The following KLHL2 variants were observed in gnomAD, a reference collection of about 807,000 sequenced individuals.
The protein encoded by KLHL2 is kelch-like protein 2.
In KLHL2, 15 loss-of-function variants were observed where a neutral mutation model predicts 75.8. The observed-to-expected ratio is 0.20, with a 90% CI of 0.13 to 0.30. The LOEUF (loss-of-function observed/expected upper bound fraction) is 0.30, where lower values mean the gene tolerates loss of function less well. Ranked by LOEUF, KLHL2 falls within the 10% of genes least tolerant of loss-of-function variation. The probability of loss-of-function intolerance (pLI) is 1.00; values close to 1 mark genes in which losing one functional copy is unlikely to be tolerated. For synonymous variants in KLHL2, 214 were observed against 251.9 expected, an observed-to-expected ratio of 0.85 and a Z score of 1.42; for missense variants, 381 against 741.0, an observed-to-expected ratio of 0.51 and a Z score of 5.64.
At chr4:165,223,730 G>A (rs1738195312) in intron 2 of KLHL2, among the ~76,000 whole-genome samples, 1 of 152,126 alleles carries the variant, frequency 6.6e-6, no homozygotes, top group African/African-American at 2.4e-5. Context: ...TAGGTCAGCA[G>A]TGCATCTCTG....
At chr4:165,278,387 C>T in intron 5 of KLHL2, 3 of 1,349,508 alleles carry the variant, frequency 2.2e-6, no homozygotes, top group Non-Finnish European at 3.2e-6. Context: ...CTGCAAATGA[C>T]TGAGTGGAAT....
At chr4:165,295,445 T>G (rs1291220963) in intron 6 of KLHL2, among the ~76,000 whole-genome samples, 1 of 152,222 alleles carries the variant, frequency 6.6e-6, no homozygotes, top group Non-Finnish European at 1.5e-5. Context: ...TAGACATGTA[T>G]TGAGTGCCTT....
rs994551630 is a variant in KLHL2, at chr4:165,207,923, G to T, written c.26+21G>T. 3.1e-5 allele frequency: 43 copies of T among 1,399,924 alleles called. No homozygotes were observed. Among genetic ancestry groups the T allele is most frequent in the Non-Finnish European group, 3.9e-5 (42 of 1,068,894 alleles). The allele number at this position is 1,399,924 out of a possible 1,614,324, so 86.7% of individuals were successfully genotyped here. A position where few individuals can be genotyped will look rare whatever the true frequency, so the allele number is the denominator to read the frequency against. On this transcript the variant is annotated intron_variant, in intron 1 of 14. Transcript: ENST00000226725. The surrounding 1 kb of genome is among the most constrained non-coding windows in gnomAD (Gnocchi z 4.2). ...CCCGCGTGAGTGAGCGGGCGGGCGG[G>T]CTGCGCCGCTGCGGATAAGCGCGCC... is the stretch of plus-strand genomic sequence containing the variant.
At chr4:165,301,479 C>G (rs1745345300) in intron 8 of KLHL2, among the ~76,000 whole-genome samples, 1 of 152,102 alleles carries the variant, frequency 6.6e-6, no homozygotes, top group African/African-American at 2.4e-5. Context: ...TAGCTAGTTC[C>G]CTTAATACCT....
rs1390299004 is a variant in KLHL2 at position 165,294,424 on chromosome 4, A to C, written c.610A>C (p.Ser204Arg). The C allele has an allele frequency of 1.9e-6, 3 of 1,611,048 alleles. No homozygotes were observed. Among genetic ancestry groups the C allele is most frequent in the Non-Finnish European group, 2.5e-6 (3 of 1,177,444 alleles). ...CAATCTTGGCATCGAACAAGTGTGC[A>C]GCTTAATCTCAAGTGACAAACTTAC... ...FLNLGIEQVCSLISSDKLTIS... is the reference protein window; with the variant it reads ...FLNLGIEQVCRLISSDKLTIS... The change falls in exon 6 of 15, where the codon AGC (serine) becomes CGC (arginine). Residue 204 changes from serine (S) to arginine (R), a missense_variant. Coordinates refer to ENST00000226725, the MANE Select transcript of KLHL2 (RefSeq NM_007246.4).
At chr4:165,230,340 G>C (rs2111045411) in intron 3 of KLHL2, among the ~76,000 whole-genome samples, 1 of 152,260 alleles carries the variant, frequency 6.6e-6, no homozygotes. Flanking sequence ...CTTAATCTGT[G>C]CTTCAGTTTC....
intron 4 of KLHL2, among the ~76,000 whole-genome samples, chr4:165,260,927 C>T (rs187844659): frequency 4.1e-4 from 63 of 152,254 alleles, no homozygotes; most frequent in East Asian, 2.7e-3. Flanking sequence ...AATATGTGCT[C>T]CCACCAACAA....
intron 4 of KLHL2, among the ~76,000 whole-genome samples, chr4:165,253,342 A>G (rs1362707744): frequency 1.3e-5 from 2 of 152,172 alleles, no homozygotes; most frequent in East Asian, 3.8e-4. Flanking sequence ...CCCCTCCTGT[A>G]TACTTTAAAT....
At chr4:165,267,442 G>C (rs1272935394) in intron 5 of KLHL2, among the ~76,000 whole-genome samples, 4 of 152,096 alleles carry the variant, frequency 2.6e-5, no homozygotes, top group Admixed American at 6.6e-5. Context: ...GATATTGGCT[G>C]TGGGTTTGTC....
At chr4:165,284,825 A>C (rs1436774557) in intron 5 of KLHL2, among the ~76,000 whole-genome samples, 1 of 152,214 alleles carries the variant, frequency 6.6e-6, no homozygotes, top group East Asian at 1.9e-4. Context: ...ACAGTTCCAC[A>C]TGGCTGGGGA....
chr4:165,310,361 C>T (rs1746067098), intron 9 of KLHL2, among the ~76,000 whole-genome samples, 192 bp from the exon 10 acceptor site: 1 of 152,022 alleles, frequency 6.6e-6, no homozygotes, highest in African/African-American at 2.4e-5. Flanking sequence ...TAATAATAAC[C>T]TTAGAAAGAA....
chr4:165,250,442 A>C (rs1740614705), intron 4 of KLHL2, among the ~76,000 whole-genome samples: 2 of 152,248 alleles, frequency 1.3e-5, no homozygotes. Flanking sequence ...GGAACAACTC[A>C]GAAAATAATA....
chr4:165,305,549 T>G, intron 8 of KLHL2, 59 bp from the exon 9 acceptor site: 9 of 1,378,946 alleles, frequency 6.5e-6, no homozygotes, highest in Non-Finnish European at 9.3e-6. Flanking sequence ...TGTAGGACAT[T>G]TTAAATCCTG....
chr4:165,279,494 C>G (rs753854436), intron 5 of KLHL2: 2 of 1,578,506 alleles, frequency 1.3e-6, no homozygotes, highest in Non-Finnish European at 1.7e-6. Flanking sequence ...TTCCACCCAT[C>G]CTTCTCTTGG....
intron 5 of KLHL2, chr4:165,278,932 C>G (rs1004439085): frequency 6.8e-5 from 98 of 1,432,736 alleles, no homozygotes; most frequent in Non-Finnish European, 9.2e-5. Flanking sequence ...GGCCATAGAT[C>G]TCAGAAGAAC....
intron 12 of KLHL2, 43 bp from the exon 13 acceptor site, chr4:165,313,983 C>T (rs1326300245): frequency 1.9e-6 from 3 of 1,583,324 alleles, no homozygotes; most frequent in Non-Finnish European, 2.6e-6. Flanking sequence ...ATATAAATCT[C>T]TTGTTCTTTT....
At chr4:165,219,392 G>A (rs1737807864) in intron 1 of KLHL2, among the ~76,000 whole-genome samples, 1 of 152,230 alleles carries the variant, frequency 6.6e-6, no homozygotes, top group Non-Finnish European at 1.5e-5. Context: ...TCAGCACAGG[G>A]CTGCCATATG....
chr4:165,304,292 C>G (rs1745567717), intron 8 of KLHL2, among the ~76,000 whole-genome samples: 1 of 152,138 alleles, frequency 6.6e-6, no homozygotes, highest in Admixed American at 6.5e-5. Flanking sequence ...AAATGGGCTT[C>G]TTTTTGGAAA....
At position 165,297,643 on chromosome 4, in the gene KLHL2, A is replaced by G; in HGVS notation, c.689A>G (p.Asp230Gly). ...GCAGTAATAGCATGGGTGAACCATG[A>G]CAAGGATGTGAGGCAAGAGTTTATG... ...FEAVIAWVNH[D>G]KDVRQEFMAR... The change falls in exon 7 of 15, where the codon GAC (aspartate) becomes GGC (glycine). Residue 230 changes from aspartate (D) to glycine (G), a missense_variant. This residue lies in a region of KLHL2 where 111 missense variants were observed against 150.1 expected (regional missense o/e 0.74). Coordinates refer to ENST00000226725, the MANE Select transcript of KLHL2 (RefSeq NM_007246.4). The G allele has an allele frequency of 6.2e-7, 1 of 1,613,594 alleles. No individual in the cohort carries two copies. Among genetic ancestry groups the G allele is most frequent in the African/African-American group, 1.3e-5 (1 of 75,024 alleles).
Sources: allele counts gnomAD v4.1 joint callset (sites outside exome capture counted in the v4.1 genomes callset), GRCh38; gene constraint gnomAD v4.1.1; regional missense constraint gnomAD v4.1.1; non-coding constraint Gnocchi (gnomAD v3.1); transcripts MANE v1.5; gene names NCBI Gene and HGNC (gene_info 2026-07-23, HGNC 2026-07-21).